The following RGPD3 variants were observed in gnomAD, a reference collection of about 807,000 sequenced individuals.
RGPD3 encodes ranBP2-like and GRIP domain-containing protein 3.
A neutral mutation model predicts 154.5 loss-of-function variants in RGPD3; 62 were observed. That is an observed-to-expected ratio of 0.40 (90% CI 0.33 to 0.50). The LOEUF is 0.50. RGPD3 is among the 20% of genes least tolerant of loss of function. The pLI, the probability that RGPD3 is intolerant of heterozygous loss-of-function variation, is 0.59. For missense variants in RGPD3, 919 were observed against 1,716.8 expected, an observed-to-expected ratio of 0.54 and a Z score of 8.21; for synonymous variants, 308 against 607.0, an observed-to-expected ratio of 0.51 and a Z score of 7.24.
chr2:106,407,556 C>T (rs563588040), intron 22 of RGPD3, among the ~76,000 whole-genome samples: 32 of 151,160 alleles, frequency 2.1e-4, no homozygotes, highest in African/African-American at 7.8e-4. Flanking sequence ...AAACATTTCC[C>T]TAAACTGAAA....
Position 106,424,737 on chromosome 2 carries a change from C to T in RGPD3, c.3230G>A (p.Trp1077Ter), listed in dbSNP as rs1307929035. Residue 1077 changes from tryptophan to a stop codon, truncating the protein, a stop_gained, in exon 20 of 23, where the codon TGG becomes TAG. Coordinates refer to ENST00000409886, the MANE Select transcript of RGPD3 (RefSeq NM_001144013.2). LOFTEE classifies it high-confidence loss of function. Reference protein sequence around the residue: ...LFRFDAEVSQWKERGLGNLKI... With the variant: ...LFRFDAEVSQ Reference sequence around the variant, plus strand: ...TAAGTTCCCCAAGCCCCTTTCTTTCCACTGACTTACCTCAGCATCAAATCT... The same window carrying T: ...TAAGTTCCCCAAGCCCCTTTCTTTCTACTGACTTACCTCAGCATCAAATCT... 1 of 1,611,810 alleles carries T rather than the reference C, an allele frequency of 6.2e-7. No homozygotes were observed. Among genetic ancestry groups the T allele is most frequent in the East Asian group, 2.2e-5 (1 of 44,892 alleles).
rs758783973 is a variant in RGPD3, at chr2:106,424,150, A to G, written c.3817T>C (p.Leu1273=). Residue 1273 remains leucine (L), a synonymous_variant, in exon 20 of 23, where the codon TTG becomes CTG. Coordinates refer to ENST00000409886, the MANE Select transcript of RGPD3 (RefSeq NM_001144013.2). ...TTTTTTCTCACAGGGCTACTTGCCA[A>G]TGGAGAAGCATGTACTGAGCTACTA... The part of the protein sequence containing the change: ...VSSSSVHASP[L]ASSPVRKNLF... 8.1e-6 allele frequency: 13 copies of G among 1,611,240 alleles called. No homozygotes were observed. Among genetic ancestry groups the G allele is most frequent in the South Asian group, 4.4e-5 (4 of 90,916 alleles).
intron 22 of RGPD3, among the ~76,000 whole-genome samples, chr2:106,407,409 G>C (rs1248044003): frequency 6.6e-6 from 1 of 152,132 alleles, no homozygotes; most frequent in African/African-American, 2.4e-5. Context: ...ACTCTGAAAA[G>C]TCTCTCTTCC....
chr2:106,445,070 T>C (rs1677866068), intron 7 of RGPD3, among the ~76,000 whole-genome samples: 1 of 131,772 alleles, frequency 7.6e-6, no homozygotes, highest in African/African-American at 3.0e-5. Context: ...GCCAAGATCA[T>C]GAGGTCAGGA....
At position 106,412,321 on chromosome 2, in the gene RGPD3, T is replaced by TTTTTTTTTTG. The variant is rs1553457623; in HGVS notation, c.5266+762_5266+763insCAAAAAAAAA. ...TTTTTTTTTTTTTTTTTTTTTTTTTTTTTTTTTTTTGAGATGGAGTCTCGC... is the reference window on the plus strand; with the variant it reads ...TTTTTTTTTTTTTTTTTTTTTTTTTTTTTTTTTTTGTTTTTTTTTTGAGATGGAGTCTCGC... On this transcript the variant is annotated intron_variant, in intron 22 of 22. Coordinates refer to ENST00000409886, the MANE Select transcript of RGPD3 (RefSeq NM_001144013.2). Among the ~76,000 whole-genome samples the TTTTTTTTTTG allele has an allele frequency of 3.6e-3, 358 of 99,982 alleles. 6 individuals are homozygous for TTTTTTTTTTG. The highest frequency in any genetic ancestry group is 5.7e-3 in the Non-Finnish European group (278 of 48,670). 65.6% of individuals were successfully genotyped at this position (99,982 alleles called of 152,430 possible).
At chr2:106,450,705 CAAAAAAA>C (rs768839840) in intron 6 of RGPD3, among the ~76,000 whole-genome samples, 77 of 43,224 alleles carry the variant, frequency 1.8e-3, no homozygotes, top group African/African-American at 8.9e-3. Context: ...GACTCTGTCT[CAAAAAAA>C]AAAAAAAAAA....
intron 22 of RGPD3, among the ~76,000 whole-genome samples, chr2:106,410,326 T>C (rs2104442175): frequency 6.6e-6 from 1 of 152,332 alleles, no homozygotes; most frequent in Non-Finnish European, 1.5e-5. Context: ...AATTTAAATG[T>C]GTTTTCCTGT....
In RGPD3 at chr2:106,424,245, T is replaced by C; in HGVS notation, c.3722A>G (p.Glu1241Gly). The C allele has an allele frequency of 1.2e-6, 2 of 1,612,038 alleles. No individual in the cohort carries two copies. The highest frequency in any genetic ancestry group is 1.7e-6 in the Non-Finnish European group (2 of 1,179,874). ...CCATTCTAATGTGGGCCCAGTGTTTTCAGCATTGGGTTTTATTGTTGTGTC... is the reference window on the plus strand; with the variant it reads ...CCATTCTAATGTGGGCCCAGTGTTTCCAGCATTGGGTTTTATTGTTGTGTC... ...ASDTTIKPNA[E>G]NTGPTLEWDN... The change falls in exon 20 of 23, where the codon GAA (glutamate) becomes GGA (glycine). Residue 1241 changes from glutamate (E) to glycine (G), a missense_variant. By Grantham distance (98) the Glu-to-Gly change is moderately conservative. Transcript: ENST00000409886.
intron 6 of RGPD3, among the ~76,000 whole-genome samples, chr2:106,448,689 G>C (rs371114341): frequency 0.058 from 8,714 of 150,816 alleles, 192 homozygotes; most frequent in Middle Eastern, 0.11. Context: ...GTAGAGCTGA[G>C]TTTTTTTGTT....
chr2:106,446,397 C>A (rs1459782730), intron 7 of RGPD3, among the ~76,000 whole-genome samples: 19 of 152,038 alleles, frequency 1.2e-4, no homozygotes, highest in African/African-American at 4.3e-4. Flanking sequence ...GAAACCCCGT[C>A]TCTACTAAAA....
chr2:106,434,378 T>A lies in RGPD3; in HGVS notation c.2059-4A>T, dbSNP rs757586420. 1 of 1,611,496 alleles carries A rather than the reference T, an allele frequency of 6.2e-7. No individual in the cohort carries two copies. The highest frequency in any genetic ancestry group is 8.5e-7 in the Non-Finnish European group (1 of 1,179,696). On this transcript the variant is annotated splice_polypyrimidine_tract_variant and splice_region_variant and intron_variant, in intron 14 of 22. Coordinates refer to ENST00000409886, the MANE Select transcript of RGPD3 (RefSeq NM_001144013.2). ...CTTCTGCCTTCCTGTGAAAAATCTA[T>A]ACAAATAGTGCTTTTATGAAATCAT...
Position 106,434,221 on chromosome 2 carries a change from T to C in RGPD3, c.2205+7A>G, listed in dbSNP as rs1677466486. ...TAAGAACGTACATACAACAACCTGC[T>C]ACTTACTTTCTTGACCACTGAAAGA... On this transcript the variant is annotated splice_region_variant and intron_variant, in intron 15 of 22. Coordinates refer to ENST00000409886, the MANE Select transcript of RGPD3 (RefSeq NM_001144013.2). The C allele has an allele frequency of 6.3e-7, 1 of 1,588,052 alleles. No individual in the cohort carries two copies. The highest frequency in any genetic ancestry group is 8.6e-7 in the Non-Finnish European group (1 of 1,165,454).
intron 22 of RGPD3, among the ~76,000 whole-genome samples, chr2:106,411,670 T>C (rs1181058301): frequency 1.3e-5 from 2 of 151,538 alleles, no homozygotes; most frequent in South Asian, 4.2e-4. Flanking sequence ...CTACTAAAAA[T>C]AGAAAAATTA....
chr2:106,462,715 G>T (rs908706491), intron 1 of RGPD3, among the ~76,000 whole-genome samples: 1 of 151,912 alleles, frequency 6.6e-6, no homozygotes, highest in Non-Finnish European at 1.5e-5. Context: ...ACGGAGTCTC[G>T]CTCTGTCACC....
chr2:106,412,345 G>T (rs886383909), intron 22 of RGPD3, among the ~76,000 whole-genome samples: 4 of 111,704 alleles, frequency 3.6e-5, no homozygotes, highest in South Asian at 3.2e-4. Context: ...ATGGAGTCTC[G>T]CTCTGCCGTC....
chr2:106,414,527 CAG>C (rs199796010), intron 21 of RGPD3, among the ~76,000 whole-genome samples: 25,712 of 148,224 alleles, frequency 0.17, 2,347 homozygotes, highest in East Asian at 0.26. Flanking sequence ...GAGGCTGAGG[CAG>C]GGGAATCGCT....
At chr2:106,468,675 A>T (rs9750775), upstream of RGPD3, among the ~76,000 whole-genome samples, 1 of 151,946 alleles carries the variant, frequency 6.6e-6, no homozygotes, top group Non-Finnish European at 1.5e-5. Context: ...GTGTGGTGGC[A>T]GGTGCCTGTA....
chr2:106,424,202 C>A lies in RGPD3; in HGVS notation c.3765G>T (p.Arg1255Ser), dbSNP rs1677105859. ...PTLEWDNYDL[R>S]EDALDDSVSS... ...TGACACTATCATCCAAAGCATCTTCCCTTAAATCATAGTTATCCCATTCTA... is the reference window on the plus strand; with the variant it reads ...TGACACTATCATCCAAAGCATCTTCACTTAAATCATAGTTATCCCATTCTA... Residue 1255 changes from arginine (R) to serine (S), a missense_variant, in exon 20 of 23, where the codon AGG (arginine) becomes AGT (serine). Arg to Ser is a moderately radical substitution (Grantham distance 110). Coordinates refer to ENST00000409886, the MANE Select transcript of RGPD3 (RefSeq NM_001144013.2). 2 of 1,611,910 alleles carry A rather than the reference C, an allele frequency of 1.2e-6. No homozygotes were observed. The highest frequency in any genetic ancestry group is 1.1e-5 in the South Asian group (1 of 90,970).
intron 19 of RGPD3, 52 bp from the exon 20 acceptor site, chr2:106,425,318 A>G (rs1677164523): frequency 1.2e-6 from 2 of 1,607,778 alleles, no homozygotes; most frequent in South Asian, 2.2e-5. Flanking sequence ...CAAAATAGTC[A>G]TGAAATACAT....
Sources: allele counts gnomAD v4.1 joint callset (sites outside exome capture counted in the v4.1 genomes callset), GRCh38; gene constraint gnomAD v4.1.1; transcripts MANE v1.5; gene names NCBI Gene and HGNC (gene_info 2026-07-23, HGNC 2026-07-21).